The following HDAC9 variants were observed in gnomAD, a reference collection of about 807,000 sequenced individuals.
HDAC9 encodes MEF-2 interacting transcription repressor (MITR) protein.
HDAC9 carries 41 observed loss-of-function variants against 139.4 expected under a neutral mutation model. That is an observed-to-expected ratio of 0.29 (90% CI 0.23 to 0.38). The LOEUF (loss-of-function observed/expected upper bound fraction) is 0.38. HDAC9 is among the 10% of genes least tolerant of loss of function. The pLI, the probability that HDAC9 is intolerant of heterozygous loss-of-function variation, is 1.00. For synonymous variants in HDAC9, 517 were observed against 476.2 expected (o/e 1.09, Z -1.12); for missense variants, 1,147 against 1,297.0 (o/e 0.88, Z 1.78).
chr7:18,872,416 C>G (rs549570262), intron 21 of HDAC9, among the ~76,000 whole-genome samples: 1 of 152,122 alleles, frequency 6.6e-6, no homozygotes, highest in Non-Finnish European at 1.5e-5. Context: ...GCTATAGTTC[C>G]CCTGTAAGTG....
At chr7:18,982,726 A>T (rs911625048) in intron 25 of HDAC9, among the ~76,000 whole-genome samples, 3 of 152,178 alleles carry the variant, frequency 2.0e-5, no homozygotes, top group African/African-American at 7.2e-5. Flanking sequence ...AAATGGAATC[A>T]TGCGTGTGTA....
chr7:18,156,299 A>C (rs1449213965), intron 1 of HDAC9, among the ~76,000 whole-genome samples: 3 of 152,194 alleles, frequency 2.0e-5, no homozygotes, highest in Admixed American at 2.0e-4. Flanking sequence ...AAGTGACCCT[A>C]TCTTGGTCAA....
chr7:18,380,410 T>G (rs1030748210), intron 1 of HDAC9, among the ~76,000 whole-genome samples: 1 of 152,216 alleles, frequency 6.6e-6, no homozygotes, highest in African/African-American at 2.4e-5. Context: ...ATTGTATTGA[T>G]TAAATCGTAT....
intron 21 of HDAC9, among the ~76,000 whole-genome samples, chr7:18,846,878 A>T (rs1339614192): frequency 2.0e-5 from 3 of 152,206 alleles, no homozygotes; most frequent in Non-Finnish European, 2.9e-5. Flanking sequence ...GAGATGAAAC[A>T]GATAAGATAA....
chr7:18,949,268 T>C (rs1228969488), intron 23 of HDAC9: 1 of 161,100 alleles, frequency 6.2e-6, no homozygotes, highest in Non-Finnish European at 1.2e-5. Context: ...GTCATCATCA[T>C]TATCTTCATT....
chr7:18,253,147 C>G (rs1795025787), intron 2 of HDAC9, among the ~76,000 whole-genome samples: 1 of 152,184 alleles, frequency 6.6e-6, no homozygotes, highest in African/African-American at 2.4e-5. Context: ...CTTATCCAGT[C>G]TACTGTTGAT....
intron 1 of HDAC9, among the ~76,000 whole-genome samples, chr7:18,092,129 T>C (rs976219805): frequency 1.1e-4 from 17 of 152,170 alleles, no homozygotes; most frequent in African/African-American, 3.6e-4. Flanking sequence ...CTTATGCCGG[T>C]AATCCCAGCA....
chr7:18,636,403 A>G (rs1783907828), intron 8 of HDAC9, among the ~76,000 whole-genome samples: 1 of 151,326 alleles, frequency 6.6e-6, no homozygotes, highest in South Asian at 2.1e-4. Flanking sequence ...CAAATCATAT[A>G]ACCTCAAGCT....
intron 17 of HDAC9, among the ~76,000 whole-genome samples, chr7:18,805,124 A>G (rs556960690): frequency 6.6e-6 from 1 of 152,292 alleles, no homozygotes; most frequent in South Asian, 2.1e-4. Context: ...AAGGAATTTA[A>G]GTATTCTGAC....
intron 1 of HDAC9, among the ~76,000 whole-genome samples, chr7:18,459,745 T>A (rs1793670237): frequency 6.6e-6 from 1 of 152,190 alleles, no homozygotes; most frequent in Admixed American, 6.5e-5. Flanking sequence ...CTACATCATA[T>A]AACTTCCTTA....
chr7:18,268,837 A>G (rs1796166698), intron 2 of HDAC9, among the ~76,000 whole-genome samples: 1 of 152,212 alleles, frequency 6.6e-6, no homozygotes. Context: ...GGAACTGATC[A>G]GAAGAACAGT....
At position 18,106,874 on chromosome 7, in the gene HDAC9, C is replaced by T. The variant is rs548190024; in HGVS notation, c.-97+19661C>T. ...CTCTCCTGGAATCCCTTTTTATACA[C>T]CAGTGCTGGAATACTTAATAGGGGG... On this transcript the variant is annotated intron_variant, in intron 1 of 12. Transcript: ENST00000417496. Among the ~76,000 whole-genome samples the T allele has an allele frequency of 1.6e-3, 236 of 152,232 alleles. 1 individual carries two copies. The highest frequency in any genetic ancestry group is 3.4e-3 in the Middle Eastern group (1 of 294).
intron 12 of HDAC9, among the ~76,000 whole-genome samples, chr7:18,710,754 A>T (rs1165424058): frequency 6.6e-6 from 1 of 152,200 alleles, no homozygotes; most frequent in African/African-American, 2.4e-5. Flanking sequence ...TATTCCCCTA[A>T]CAAGGAAAGC....
At chr7:18,228,212 G>T (rs539113451) in intron 2 of HDAC9, among the ~76,000 whole-genome samples, 23 of 151,678 alleles carry the variant, frequency 1.5e-4, no homozygotes, top group Non-Finnish European at 2.9e-4. Context: ...AATACTCCAA[G>T]AATTACTATT....
chr7:18,852,981 G>T (rs1797414064), intron 21 of HDAC9, among the ~76,000 whole-genome samples: 1 of 152,076 alleles, frequency 6.6e-6, no homozygotes, highest in Non-Finnish European at 1.5e-5. Flanking sequence ...GGGGTGCGGG[G>T]AGCAACCAGT....
chr7:18,372,054 A>G (rs1359192808), intron 1 of HDAC9, among the ~76,000 whole-genome samples: 1 of 152,212 alleles, frequency 6.6e-6, no homozygotes, highest in Non-Finnish European at 1.5e-5. Flanking sequence ...CTTTCTTACT[A>G]CAAATGAAGC....
chr7:18,670,202 T>G (rs564349857), intron 12 of HDAC9, among the ~76,000 whole-genome samples: 2 of 151,988 alleles, frequency 1.3e-5, no homozygotes, highest in Non-Finnish European at 2.9e-5. Context: ...TATCAGGAAC[T>G]TGGAGATACA....
intron 7 of HDAC9, among the ~76,000 whole-genome samples, chr7:18,632,319 G>A (rs751238385): frequency 2.0e-5 from 3 of 151,988 alleles, no homozygotes; most frequent in Admixed American, 6.6e-5. Context: ...GTAAATAAGT[G>A]GCAGGATTAG....
At chr7:18,878,757 A>C (rs1325500213) in intron 22 of HDAC9, among the ~76,000 whole-genome samples, 1 of 151,522 alleles carries the variant, frequency 6.6e-6, no homozygotes, top group Admixed American at 6.6e-5. Flanking sequence ...GCATAAGACA[A>C]AGATGCCTTC....
Sources: gnomAD v4.1 joint callset for allele counts (sites outside exome capture counted in the v4.1 genomes callset) on GRCh38, gnomAD v4.1.1 for gene constraint, MANE v1.5 for transcripts, NCBI Gene and HGNC (gene_info 2026-07-23, HGNC 2026-07-21) for gene names.